The following AGFG1 variants were observed in gnomAD, a reference collection of about 807,000 sequenced individuals.
AGFG1 encodes the protein ArfGAP with FG repeats 1.
In AGFG1, 10 loss-of-function variants were observed where a neutral mutation model predicts 60.6. The ratio of observed to expected loss-of-function variants is 0.16; its 90% CI spans 0.10 to 0.28. AGFG1 has a LOEUF of 0.28. Among genes scored for constraint, AGFG1 ranks in the 10% least tolerant of loss-of-function variants. The pLI is 1.00. For synonymous variants in AGFG1, 247 were observed against 242.9 expected, an observed-to-expected ratio of 1.02 and a Z score of -0.16; for missense variants, 537 against 676.5, an observed-to-expected ratio of 0.79 and a Z score of 2.29.
At chr2:227,510,381 A>G (rs1365532725) in intron 2 of AGFG1, among the ~76,000 whole-genome samples, 1 of 152,214 alleles carries the variant, frequency 6.6e-6, no homozygotes, top group Non-Finnish European at 1.5e-5. Context: ...CAGAGGCTGT[A>G]TTCAAAACAA....
At chr2:227,528,210 CTG>C (rs1296615937) in intron 5 of AGFG1, among the ~76,000 whole-genome samples, 1 of 152,158 alleles carries the variant, frequency 6.6e-6, no homozygotes, top group Non-Finnish European at 1.5e-5. Context: ...TAGAAGGAAA[CTG>C]GCGTAATTTT....
chr2:227,533,740 A>G lies in AGFG1; in HGVS notation c.1006A>G (p.Ile336Val). ...TGCAGCACTTGCTAATTTAGACAATATCTTCAGTGCCGGGCAAGGTATCAA... is the reference window on the plus strand; with the variant it reads ...TGCAGCACTTGCTAATTTAGACAATGTCTTCAGTGCCGGGCAAGGTATCAA... Reference protein sequence around the residue: ...KYAALANLDNIFSAGQGGDQG... With the variant: ...KYAALANLDNVFSAGQGGDQG... Residue 336 changes from isoleucine to valine, a missense_variant, in exon 7 of 13, where the codon ATC (isoleucine) becomes GTC (valine). Physicochemically the swap from Ile to Val is conservative, Grantham distance 29. This residue lies in a region of AGFG1 where 287 missense variants were observed against 343.6 expected (regional missense o/e 0.84). Transcript: ENST00000310078. 3 of 1,613,582 alleles carry G rather than the reference A, an allele frequency of 1.9e-6. No individual in the cohort carries two copies. Among genetic ancestry groups the G allele is most frequent in the Non-Finnish European group, 2.5e-6 (3 of 1,179,686 alleles).
chr2:227,483,632 A>C (rs1220536373), intron 1 of AGFG1, among the ~76,000 whole-genome samples: 4 of 152,302 alleles, frequency 2.6e-5, no homozygotes, highest in Middle Eastern at 3.4e-3. Flanking sequence ...GATTAATCCA[A>C]GTTAGTTGTT....
rs200107887 is a variant in AGFG1 at position 227,523,933 on chromosome 2, G to C, written c.540+8G>C. The C allele has an allele frequency of 3.4e-4, 547 of 1,608,614 alleles. 9 individuals carry two copies. The East Asian group carries it at 0.012, about 36-fold the overall frequency. On this transcript the variant is annotated splice_region_variant and intron_variant, in intron 4 of 12. Transcript: ENST00000310078. The stretch of plus-strand genomic sequence containing the variant: ...AAGGGCACACCTAGTCAGGTGAGTA[G>C]TCTTTGAATCTTTGTAGGGAATTCG...
intron 3 of AGFG1, among the ~76,000 whole-genome samples, chr2:227,522,335 A>G (rs1691850782): frequency 6.6e-6 from 1 of 152,226 alleles, no homozygotes; most frequent in Admixed American, 6.5e-5. Context: ...ATCCTTTGAT[A>G]AGACTTGGCT....
intron 2 of AGFG1, among the ~76,000 whole-genome samples, chr2:227,516,911 A>G (rs1691666589): frequency 6.6e-6 from 1 of 152,216 alleles, no homozygotes; most frequent in Admixed American, 6.5e-5. Context: ...GTTTTAAAAT[A>G]GAAGAATGAA....
intron 5 of AGFG1, among the ~76,000 whole-genome samples, chr2:227,526,620 G>A (rs1048028095): frequency 8.6e-5 from 12 of 139,034 alleles, no homozygotes; most frequent in African/African-American, 1.9e-4. Flanking sequence ...TTGGCTTACC[G>A]CAACCTCTGC....
chr2:227,546,191 G>A (rs1007633862), intron 10 of AGFG1, among the ~76,000 whole-genome samples: 1 of 152,212 alleles, frequency 6.6e-6, no homozygotes, highest in African/African-American at 2.4e-5. Flanking sequence ...CCTCAGTAAT[G>A]GCGGGCGCCC....
chr2:227,544,546 C>T (rs11677961), intron 10 of AGFG1, among the ~76,000 whole-genome samples: 7,101 of 152,236 alleles, frequency 0.047, 216 homozygotes, highest in African/African-American at 0.092. Flanking sequence ...GCAGTTTCTT[C>T]CTAGCATCGA....
rs1332984697 is a variant in AGFG1, at chr2:227,519,998, T to G, written c.312T>G (p.Ile104Met). The G allele has an allele frequency of 1.3e-6, 2 of 1,586,450 alleles. No homozygotes were observed. Among genetic ancestry groups the G allele is most frequent in the Non-Finnish European group, 1.7e-6 (2 of 1,171,728 alleles). The change falls in exon 3 of 13, where the codon ATT (isoleucine) becomes ATG (methionine). Residue 104 changes from isoleucine to methionine, a missense_variant. Ile to Met is a conservative substitution (Grantham distance 10). Around this residue, in one of 4 missense-constraint regions of AGFG1, gnomAD observed 120 missense variants for 198.5 expected, o/e 0.60. Transcript: ENST00000310078. ...TATTTGATGATAGATCTTCAGCAAT[T>G]CCAGACTTCAGGGATCCACAAAAAG... ...LGLFDDRSSA[I>M]PDFRDPQKVK...
In AGFG1 at chr2:227,510,434, C is replaced by T. The variant is rs540569177; in HGVS notation, c.262-9514C>T. On this transcript the variant is annotated intron_variant, in intron 2 of 12. Transcript: ENST00000310078. Reference sequence around the variant, plus strand: ...AAAATTGTATGTAGTGGGCTCTGTGCAGGCTGACAAGTAAACAAACAAAAA... The same window carrying T: ...AAAATTGTATGTAGTGGGCTCTGTGTAGGCTGACAAGTAAACAAACAAAAA... Among the ~76,000 whole-genome samples, 35 of 152,218 alleles carry T rather than the reference C, an allele frequency of 2.3e-4. No homozygotes were observed. In the South Asian group the frequency reaches 6.6e-3, roughly 29 times the overall value.
chr2:227,497,715 A>C (rs1209834605), intron 2 of AGFG1, among the ~76,000 whole-genome samples: 3 of 139,768 alleles, frequency 2.1e-5, no homozygotes, highest in Non-Finnish European at 4.7e-5. Context: ...ATATAGCCAA[A>C]TGAGTTTCTT....
chr2:227,500,243 C>T (rs1270525559), intron 2 of AGFG1, among the ~76,000 whole-genome samples: 1 of 152,206 alleles, frequency 6.6e-6, no homozygotes, highest in East Asian at 1.9e-4. Context: ...TGGTCAGTCT[C>T]TTACTGGACC....
At chr2:227,550,787 T>C (rs1692795480) in intron 10 of AGFG1, among the ~76,000 whole-genome samples, 2 of 152,254 alleles carry the variant, frequency 1.3e-5, no homozygotes, top group South Asian at 2.1e-4. Context: ...TATTTTTTAG[T>C]ATTTAATTTC....
At chr2:227,546,138 C>T (rs1692639270) in intron 10 of AGFG1, among the ~76,000 whole-genome samples, 1 of 152,192 alleles carries the variant, frequency 6.6e-6, no homozygotes, top group African/African-American at 2.4e-5. Flanking sequence ...CAGTGGGTTC[C>T]ACCTAGTTCA....
rs371098889 is a variant in AGFG1, at chr2:227,501,039, C to T, written c.261+9399C>T. Among the ~76,000 whole-genome samples, 3 of 152,166 alleles carry T rather than the reference C, an allele frequency of 2.0e-5. No individual in the cohort carries two copies. In the East Asian group the frequency reaches 5.8e-4, roughly 29 times the overall value. ...GAACTCCTGATCTCAGGTGATCCAC[C>T]TACCTCAGCCTCTCAAAGTGCTGGG... On this transcript the variant is annotated intron_variant, in intron 2 of 12. Coordinates refer to ENST00000310078, the MANE Select transcript of AGFG1 (RefSeq NM_004504.5).
chr2:227,526,457 C>T (rs1245174869), intron 5 of AGFG1, among the ~76,000 whole-genome samples: 2 of 146,444 alleles, frequency 1.4e-5, no homozygotes, highest in Non-Finnish European at 3.0e-5. Context: ...AGGCTGGTCT[C>T]GAACTCCTGA....
Position 227,524,372 on chromosome 2 carries a change from A to G in AGFG1, c.541-390A>G, listed in dbSNP as rs1193434670. Among the ~76,000 whole-genome samples the G allele has an allele frequency of 5.3e-5, 8 of 152,318 alleles. No homozygotes were observed. In the South Asian group the frequency reaches 6.2e-4, roughly 12 times the overall value. Reference sequence around the variant, plus strand: ...GAAGCATGTTGATCATTGAAACACAAGGGACTTTGCATTATACCTTATTCT... The same window carrying G: ...GAAGCATGTTGATCATTGAAACACAGGGGACTTTGCATTATACCTTATTCT... On this transcript the variant is annotated intron_variant, in intron 4 of 12. Coordinates refer to ENST00000310078, the MANE Select transcript of AGFG1 (RefSeq NM_004504.5).
chr2:227,539,544 C>T (rs1692418004), intron 10 of AGFG1, among the ~76,000 whole-genome samples: 1 of 151,266 alleles, frequency 6.6e-6, no homozygotes, highest in African/African-American at 2.4e-5. Flanking sequence ...TGCTTGAAGC[C>T]CAGGAGTTTT....
Sources: allele counts gnomAD v4.1 joint callset (sites outside exome capture counted in the v4.1 genomes callset), GRCh38; gene constraint gnomAD v4.1.1; regional missense constraint gnomAD v4.1.1; transcripts MANE v1.5; gene names NCBI Gene and HGNC (gene_info 2026-07-23, HGNC 2026-07-21).